CDH17: variants seen among roughly 807,000 people sequenced by gnomAD.
The protein encoded by CDH17 is cadherin 17, also known as cadherin-17.
Under a neutral mutation model 86.3 loss-of-function variants are expected in CDH17, and 67 were observed. The ratio of observed to expected loss-of-function variants is 0.78; its 90% confidence interval spans 0.64 to 0.95. The LOEUF (loss-of-function observed/expected upper bound fraction) is 0.95, where lower values mean the gene tolerates loss of function less well. Ranked by LOEUF, CDH17 falls within the 40% of genes least tolerant of loss-of-function variation. CDH17 has a pLI of 0.00. For missense variants in CDH17, 993 were observed against 1,017.6 expected (o/e 0.98, Z 0.33); for synonymous variants, 367 against 366.4 (o/e 1.00, Z -0.02).
chr8:94,176,262 G>GAT (rs1198024614), intron 5 of CDH17, among the ~76,000 whole-genome samples: 2 of 152,148 alleles, frequency 1.3e-5, no homozygotes, highest in Non-Finnish European at 2.9e-5. Flanking sequence ...GCACATAGTG[G>GAT]ATAGAGGTCA....
At chr8:94,135,817 C>T (rs1255601865) in intron 15 of CDH17, among the ~76,000 whole-genome samples, 2 of 152,162 alleles carry the variant, frequency 1.3e-5, no homozygotes, top group Non-Finnish European at 2.9e-5. Flanking sequence ...ATGTTTAGTG[C>T]TTCCTTCAAG....
At chr8:94,215,691 T>A (rs968211373) in intron 1 of CDH17, among the ~76,000 whole-genome samples, 3 of 152,178 alleles carry the variant, frequency 2.0e-5, no homozygotes, top group Non-Finnish European at 4.4e-5. Flanking sequence ...AAGTATTCCC[T>A]GCAACTAATG....
intron 16 of CDH17, 41 bp downstream of exon 16, chr8:94,130,835 T>C: frequency 6.7e-7 from 1 of 1,500,358 alleles, no homozygotes; most frequent in East Asian, 2.3e-5. Flanking sequence ...CGGCCCATGG[T>C]GACAGATACT....
At chr8:94,188,307 T>C (rs1813620752) in intron 3 of CDH17, among the ~76,000 whole-genome samples, 3 of 152,212 alleles carry the variant, frequency 2.0e-5, no homozygotes, top group African/African-American at 4.8e-5. Flanking sequence ...TTTTCCCAAA[T>C]ATATTTGATT....
chr8:94,162,184 CA>C (rs761020925), intron 10 of CDH17, 22 bp from the exon 11 acceptor site: 2 of 1,502,372 alleles, frequency 1.3e-6, no homozygotes, highest in Admixed American at 3.5e-5. Flanking sequence ...AGTCATATGT[CA>C]TAGAAATTTT....
intron 3 of CDH17, among the ~76,000 whole-genome samples, chr8:94,184,639 G>A (rs749961593): frequency 1.4e-4 from 22 of 151,980 alleles, no homozygotes; most frequent in Non-Finnish European, 2.6e-4. Context: ...GAAATGTTCT[G>A]TAATTAGATA....
intron 1 of CDH17, among the ~76,000 whole-genome samples, chr8:94,198,216 G>A (rs1247792675): frequency 6.6e-6 from 1 of 152,092 alleles, no homozygotes; most frequent in Non-Finnish European, 1.5e-5. Flanking sequence ...ACTATTTTAA[G>A]GAAAAGCTAG....
At chr8:94,187,876 C>T (rs1485690344) in intron 3 of CDH17, among the ~76,000 whole-genome samples, 1 of 152,124 alleles carries the variant, frequency 6.6e-6, no homozygotes, top group Non-Finnish European at 1.5e-5. Context: ...TTCTTCAGGC[C>T]CTGACTTCCC....
chr8:94,212,108 C>G (rs114984035), upstream of CDH17, among the ~76,000 whole-genome samples: 1 of 152,316 alleles, frequency 6.6e-6, no homozygotes, highest in East Asian at 1.9e-4. Flanking sequence ...AGGACAGAGT[C>G]CATTTTCTGA....
chr8:94,185,291 A>G (rs1813558179), intron 3 of CDH17, among the ~76,000 whole-genome samples: 1 of 151,658 alleles, frequency 6.6e-6, no homozygotes, highest in South Asian at 2.1e-4. Context: ...ACACACACAC[A>G]CACACACACA....
chr8:94,142,706 C>T (rs1812663620), intron 15 of CDH17, among the ~76,000 whole-genome samples: 1 of 152,164 alleles, frequency 6.6e-6, no homozygotes, highest in Non-Finnish European at 1.5e-5. Flanking sequence ...CAACAATGTT[C>T]ATGGCATCTT....
At chr8:94,186,165 G>A (rs1037987361) in intron 3 of CDH17, among the ~76,000 whole-genome samples, 1 of 152,012 alleles carries the variant, frequency 6.6e-6, no homozygotes, top group Non-Finnish European at 1.5e-5. Flanking sequence ...CACTGTCTGA[G>A]ACCTCTCCAC....
At chr8:94,215,456 AAAG>A (rs1392309383) in intron 1 of CDH17, among the ~76,000 whole-genome samples, 10 of 152,222 alleles carry the variant, frequency 6.6e-5, no homozygotes, top group Non-Finnish European at 1.5e-4. Flanking sequence ...ATAGACAGAG[AAAG>A]AAGATTTCGG....
At chr8:94,209,017 A>G (rs142741440), upstream of CDH17, among the ~76,000 whole-genome samples, 1 of 152,198 alleles carries the variant, frequency 6.6e-6, no homozygotes, top group Non-Finnish European at 1.5e-5. Flanking sequence ...GCCACATGAG[A>G]TATCATAAAT....
At chr8:94,135,870 A>G (rs1812513345) in intron 15 of CDH17, among the ~76,000 whole-genome samples, 1 of 152,140 alleles carries the variant, frequency 6.6e-6, no homozygotes, top group South Asian at 2.1e-4. Flanking sequence ...ATCTCTCAGC[A>G]TTTGCTTGTC....
intron 1 of CDH17, among the ~76,000 whole-genome samples, chr8:94,196,186 A>G (rs1398351879): frequency 6.6e-6 from 1 of 152,240 alleles, no homozygotes; most frequent in Non-Finnish European, 1.5e-5. Flanking sequence ...TACATTGAAC[A>G]CATATCACTA....
At chr8:94,184,210 T>G (rs967147824) in intron 3 of CDH17, among the ~76,000 whole-genome samples, 2 of 151,776 alleles carry the variant, frequency 1.3e-5, no homozygotes, top group Admixed American at 6.6e-5. Context: ...CTACTGAGTG[T>G]GTGTGTGTGT....
intron 3 of CDH17, among the ~76,000 whole-genome samples, chr8:94,186,249 A>ACTCT (rs146835041): frequency 2.7e-5 from 4 of 149,794 alleles, no homozygotes; most frequent in South Asian, 2.1e-4. Context: ...CTTTTGCTGT[A>ACTCT]CTCTCTCTCT....
At chr8:94,151,762 T>A in intron 13 of CDH17, 106 bp downstream of exon 13, 1 of 1,418,842 alleles carries the variant, frequency 7.0e-7, no homozygotes, top group South Asian at 1.3e-5. Context: ...CATTGCTGGG[T>A]ATGCTGTGAG....
Sources: allele counts gnomAD v4.1 joint callset (sites outside exome capture counted in the v4.1 genomes callset), GRCh38; gene constraint gnomAD v4.1.1; transcripts MANE v1.5; gene names NCBI Gene and HGNC (gene_info 2026-07-23, HGNC 2026-07-21).